KCNT2: variants seen among roughly 807,000 people sequenced by gnomAD.
The protein encoded by KCNT2 is potassium channel subfamily T member 2.
In KCNT2, 67 loss-of-function variants were observed where a neutral mutation model predicts 153.8. That is an observed-to-expected ratio of 0.44 (90% confidence interval 0.36 to 0.53). KCNT2 has a LOEUF of 0.53. Among genes scored for constraint, KCNT2 ranks in the 20% least tolerant of loss-of-function variants. KCNT2 has a pLI of 0.00. For synonymous variants in KCNT2, 500 were observed against 458.8 expected (o/e 1.09, Z -1.15); for missense variants, 975 against 1,354.8 (o/e 0.72, Z 4.40).
At chr1:196,578,590 T>A (rs1437287741) in intron 1 of KCNT2, among the ~76,000 whole-genome samples, 2 of 152,192 alleles carry the variant, frequency 1.3e-5, no homozygotes, top group African/African-American at 4.8e-5. Context: ...CTGCAGGGGC[T>A]ATGTTAAAGT....
intron 1 of KCNT2, among the ~76,000 whole-genome samples, chr1:196,560,200 T>C (rs1156229831): frequency 3.3e-5 from 5 of 151,858 alleles, no homozygotes; most frequent in South Asian, 2.1e-4. Context: ...GCTTAAAATT[T>C]GCTGCAGGAG....
At chr1:196,472,619 T>C (rs771833860) in intron 5 of KCNT2, among the ~76,000 whole-genome samples, 2 of 152,348 alleles carry the variant, frequency 1.3e-5, no homozygotes, top group Admixed American at 6.5e-5. Flanking sequence ...GCACTTTATA[T>C]ATAGTATGTC....
At position 196,438,009 on chromosome 1, in the gene KCNT2, C is replaced by T. The variant is rs372547098; in HGVS notation, c.639-8252G>A. On this transcript the variant is annotated intron_variant, in intron 8 of 27. Coordinates refer to ENST00000294725, the MANE Select transcript of KCNT2 (RefSeq NM_198503.5). ...TATTTTTTATTTGCTGAGTGCTAAC[C>T]TAGGTAAGTTACTCAAACTTCATGC... Among the ~76,000 whole-genome samples the T allele has an allele frequency of 1.4e-4, 21 of 151,276 alleles. No individual in the cohort carries two copies. The South Asian group carries it at 1.7e-3, about 12-fold the overall frequency.
intron 4 of KCNT2, among the ~76,000 whole-genome samples, chr1:196,480,699 C>CA (rs1210182514): frequency 7.3e-5 from 11 of 150,900 alleles, no homozygotes; most frequent in Admixed American, 1.3e-4. Flanking sequence ...ACTAAAAATA[C>CA]AAAAAAAGTA....
At chr1:196,452,070 A>C (rs1402467755) in intron 8 of KCNT2, among the ~76,000 whole-genome samples, 1 of 151,964 alleles carries the variant, frequency 6.6e-6, no homozygotes, top group Non-Finnish European at 1.5e-5. Flanking sequence ...TTAAATTCAC[A>C]CAGACTTAAG....
At chr1:196,598,948 T>C (rs1012796354) in intron 1 of KCNT2, among the ~76,000 whole-genome samples, 1 of 152,236 alleles carries the variant, frequency 6.6e-6, no homozygotes, top group African/African-American at 2.4e-5. Context: ...TCTGCATTTT[T>C]ATTGGAAATG....
rs544850635 is a variant in KCNT2, at chr1:196,602,976, C to T, written c.95+5239G>A. ...TAATTTTTTGTATTTTTAGTAGAGA[C>T]GGGGTTTCACCTTGTTAGCCAGGAT... On this transcript the variant is annotated intron_variant, in intron 1 of 27. Coordinates refer to ENST00000294725, the MANE Select transcript of KCNT2 (RefSeq NM_198503.5). 1.1e-3 allele frequency among the ~76,000 whole-genome samples: 160 copies of T among 150,564 alleles called. 1 individual carries two copies. The South Asian group carries it at 0.015, about 14-fold the overall frequency.
At chr1:196,264,804 G>A (rs1193925217) in intron 25 of KCNT2, among the ~76,000 whole-genome samples, 1 of 151,914 alleles carries the variant, frequency 6.6e-6, no homozygotes, top group Non-Finnish European at 1.5e-5. Flanking sequence ...GCTAATTTTT[G>A]TATTTTTGTA....
rs185790202 is a variant in KCNT2, at chr1:196,568,133, C to A, written c.95+40082G>T. Among the ~76,000 whole-genome samples the A allele has an allele frequency of 2.9e-3, 448 of 152,262 alleles. 1 individual carries two copies. The highest frequency in any genetic ancestry group is 0.021 in the Middle Eastern group (6 of 290). ...TGTTATTTATGTCAACGGTCCCCAA[C>A]CTTTTTGGCACCAGAGACTAGTTTC... is the stretch of plus-strand genomic sequence containing the variant. On this transcript the variant is annotated intron_variant, in intron 1 of 27. Coordinates refer to ENST00000294725, the MANE Select transcript of KCNT2 (RefSeq NM_198503.5).
At chr1:196,566,429 G>C (rs1397970755) in intron 1 of KCNT2, among the ~76,000 whole-genome samples, 1 of 152,036 alleles carries the variant, frequency 6.6e-6, no homozygotes, top group African/African-American at 2.4e-5. Flanking sequence ...AATAAAAATT[G>C]TTTCAATAAG....
intron 1 of KCNT2, among the ~76,000 whole-genome samples, chr1:196,558,004 T>C (rs550939572): frequency 1.3e-5 from 2 of 151,556 alleles, no homozygotes; most frequent in Admixed American, 1.3e-4. Flanking sequence ...CAGAGAATGT[T>C]CTGTAATATT....
intron 22 of KCNT2, among the ~76,000 whole-genome samples, chr1:196,290,531 C>T (rs1266979763): frequency 6.6e-6 from 1 of 151,170 alleles, no homozygotes; most frequent in Admixed American, 6.6e-5. Flanking sequence ...TATGCATATA[C>T]ATATATATGT....
intron 3 of KCNT2, among the ~76,000 whole-genome samples, chr1:196,482,705 A>G (rs997016788): frequency 6.6e-6 from 1 of 152,136 alleles, no homozygotes; most frequent in African/African-American, 2.4e-5. Flanking sequence ...ATAGTCTTCT[A>G]CAAACTCTAA....
chr1:196,555,034 C>T, intron 1 of KCNT2, among the ~76,000 whole-genome samples: 1 of 151,058 alleles, frequency 6.6e-6, no homozygotes, highest in East Asian at 1.9e-4. Context: ...TAGTATCATA[C>T]TGCATGGGAA....
At chr1:196,601,562 C>A (rs1664725305) in intron 1 of KCNT2, among the ~76,000 whole-genome samples, 1 of 152,116 alleles carries the variant, frequency 6.6e-6, no homozygotes. Flanking sequence ...ATGATAAAGA[C>A]CAATATATCC....
Position 196,228,112 on chromosome 1 carries a change from T to G in KCNT2, c.*112A>C, listed in dbSNP as rs994533216. Reference sequence around the variant, plus strand: ...TACTTCTAAGAGAAGAGATTACGTTTTTAAATATGAGAGAATTACATATAT... The same window carrying G: ...TACTTCTAAGAGAAGAGATTACGTTGTTAAATATGAGAGAATTACATATAT... On this transcript the variant is annotated 3_prime_UTR_variant, in exon 28 of 28. Transcript: ENST00000294725. The G allele has an allele frequency of 1.1e-5, 7 of 634,792 alleles. No homozygotes were observed. Among genetic ancestry groups the G allele is most frequent in the African/African-American group, 9.3e-5 (5 of 53,932 alleles). 39.3% of individuals were successfully genotyped at this position (634,792 alleles called of 1,614,324 possible). A position where few individuals can be genotyped will look rare whatever the true frequency, so the allele number is the denominator to read the frequency against.
intron 25 of KCNT2, among the ~76,000 whole-genome samples, chr1:196,269,216 G>A (rs1657832460): frequency 6.6e-6 from 1 of 152,202 alleles, no homozygotes; most frequent in Non-Finnish European, 1.5e-5. Flanking sequence ...ATCTGTGATT[G>A]ACTTTAGCAA....
At chr1:196,560,702 T>TC (rs1381895528) in intron 1 of KCNT2, among the ~76,000 whole-genome samples, 2 of 151,414 alleles carry the variant, frequency 1.3e-5, no homozygotes, top group African/African-American at 4.8e-5. Flanking sequence ...TGTTTTTTCT[T>TC]CCCCCCTCTG....
chr1:196,510,919 A>C (rs1572686090), intron 1 of KCNT2, among the ~76,000 whole-genome samples: 2 of 152,186 alleles, frequency 1.3e-5, no homozygotes, highest in East Asian at 1.9e-4. Flanking sequence ...TACCTGATCC[A>C]AAACCAAGCA....
Sources: gnomAD v4.1 joint callset for allele counts (sites outside exome capture counted in the v4.1 genomes callset) on GRCh38, gnomAD v4.1.1 for gene constraint, MANE v1.5 for transcripts, NCBI Gene and HGNC (gene_info 2026-07-23, HGNC 2026-07-21) for gene names.